Variants in NCALD observed in about 807,000 individuals in gnomAD.
NCALD encodes neurocalcin-delta.
NCALD carries 10 observed loss-of-function variants against 18.6 expected under a neutral mutation model. The ratio of observed to expected loss-of-function variants is 0.54; its 90% CI spans 0.33 to 0.91. The LOEUF (loss-of-function observed/expected upper bound fraction) is 0.91. NCALD is among the 40% of genes least tolerant of loss of function. NCALD has a pLI of 0.03. For synonymous variants in NCALD, 88 were observed against 87.4 expected (o/e 1.01, Z -0.04); for missense variants, 184 against 247.6 (o/e 0.74, Z 1.72).
At chr8:101,993,921 T>G (rs1008557062) in intron 2 of NCALD, among the ~76,000 whole-genome samples, 3 of 152,172 alleles carry the variant, frequency 2.0e-5, no homozygotes, top group Non-Finnish European at 4.4e-5. Flanking sequence ...GATGTGAAGA[T>G]TAAATGCAAG....
chr8:101,939,107 G>A (rs1325380371), intron 2 of NCALD, among the ~76,000 whole-genome samples: 1 of 152,170 alleles, frequency 6.6e-6, no homozygotes, highest in Non-Finnish European at 1.5e-5. Context: ...TTCTACTTTA[G>A]TCAATGAGTA....
chr8:101,864,270 C>A (rs925240986), intron 4 of NCALD, among the ~76,000 whole-genome samples: 1 of 152,088 alleles, frequency 6.6e-6, no homozygotes, highest in African/African-American at 2.4e-5. Context: ...TAACTGTGTG[C>A]AAATGTGTCT....
At chr8:101,887,713 G>C (rs1816725344) in intron 3 of NCALD, among the ~76,000 whole-genome samples, 1 of 151,586 alleles carries the variant, frequency 6.6e-6, no homozygotes, top group Non-Finnish European at 1.5e-5. Flanking sequence ...AATTTTTCCT[G>C]GAATGTATAT....
intron 2 of NCALD, among the ~76,000 whole-genome samples, chr8:101,981,435 T>TTAAAAACA (rs1308335933): frequency 1.3e-5 from 2 of 152,356 alleles, no homozygotes; most frequent in African/African-American, 4.8e-5. Context: ...AAACTTTTAA[T>TTAAAAACA]TAAAAACATT....
chr8:101,772,703 A>G lies in NCALD; in HGVS notation c.-20+18159T>C, dbSNP rs1586463154. ...GGTACCTGTTCTCATTCTTTGGTCCAAGGACATATCATGGGTCCCATGGCT... is the reference window on the plus strand; with the variant it reads ...GGTACCTGTTCTCATTCTTTGGTCCGAGGACATATCATGGGTCCCATGGCT... On this transcript the variant is annotated intron_variant, in intron 1 of 3. Coordinates refer to ENST00000220931, the MANE Select transcript of NCALD (RefSeq NM_032041.3). Among the ~76,000 whole-genome samples, 5 of 152,308 alleles carry G rather than the reference A, an allele frequency of 3.3e-5. No individual in the cohort carries two copies. In the South Asian group the frequency reaches 1.0e-3, roughly 32 times the overall value.
chr8:101,810,790 C>G (rs1223333423), intron 4 of NCALD, among the ~76,000 whole-genome samples: 1 of 151,968 alleles, frequency 6.6e-6, no homozygotes, highest in Non-Finnish European at 1.5e-5. Flanking sequence ...AATGCAAAAG[C>G]TTTTCTATCA....
intron 1 of NCALD, among the ~76,000 whole-genome samples, chr8:101,736,145 C>T (rs773167927): frequency 4.6e-4 from 70 of 152,268 alleles, no homozygotes; most frequent in Non-Finnish European, 7.5e-4. Flanking sequence ...ATAAAAACCC[C>T]GAGCTGTCTC....
chr8:101,863,461 CTT>C (rs374268615), intron 4 of NCALD, among the ~76,000 whole-genome samples: 3 of 146,930 alleles, frequency 2.0e-5, no homozygotes, highest in Admixed American at 6.8e-5. Context: ...ATGTTTCTCA[CTT>C]TTTTTTTTTT....
At chr8:101,739,166 C>T (rs1254633501) in intron 1 of NCALD, among the ~76,000 whole-genome samples, 2 of 151,992 alleles carry the variant, frequency 1.3e-5, no homozygotes, top group African/African-American at 2.4e-5. Context: ...TGCCTCCCCT[C>T]GTGTCCCTGT....
intron 2 of NCALD, among the ~76,000 whole-genome samples, chr8:101,706,776 A>G (rs1815546719): frequency 6.6e-6 from 1 of 152,258 alleles, no homozygotes; most frequent in South Asian, 2.1e-4. Context: ...GGGAATGTCA[A>G]GGATTGCCAA....
At chr8:101,858,017 T>C (rs189709882) in intron 4 of NCALD, among the ~76,000 whole-genome samples, 215 of 152,336 alleles carry the variant, frequency 1.4e-3, no homozygotes, top group Non-Finnish European at 2.7e-3. Flanking sequence ...TGATTCAGTC[T>C]TTTTGGAGAG....
chr8:101,756,849 C>A (rs567400809), intron 1 of NCALD, among the ~76,000 whole-genome samples: 5 of 152,254 alleles, frequency 3.3e-5, no homozygotes, highest in Admixed American at 3.3e-4. Context: ...CTCTACTATG[C>A]AGTACATAAG....
chr8:101,713,530 C>T (rs1000415305), intron 2 of NCALD, among the ~76,000 whole-genome samples: 1 of 151,260 alleles, frequency 6.6e-6, no homozygotes, highest in Non-Finnish European at 1.5e-5. Flanking sequence ...AGATAGACCA[C>T]TAGCCAGATT....
At chr8:101,882,222 G>A (rs556691219) in intron 4 of NCALD, among the ~76,000 whole-genome samples, 7 of 152,198 alleles carry the variant, frequency 4.6e-5, no homozygotes, top group Admixed American at 4.6e-4. Context: ...AAGATTCTTG[G>A]CATATGCTAT....
intron 4 of NCALD, among the ~76,000 whole-genome samples, chr8:101,817,026 A>G (rs1441183061): frequency 6.6e-6 from 1 of 152,040 alleles, no homozygotes; most frequent in African/African-American, 2.4e-5. Context: ...TGCCCTTCAG[A>G]GTGTTTCTAT....
chr8:101,766,541 AG>A (rs1811355266), intron 1 of NCALD, among the ~76,000 whole-genome samples: 1 of 152,130 alleles, frequency 6.6e-6, no homozygotes, highest in Admixed American at 6.6e-5. Context: ...GTGTTTTAAA[AG>A]GGACCATAAC....
chr8:101,874,295 C>G (rs556976553), intron 4 of NCALD, among the ~76,000 whole-genome samples: 1 of 152,268 alleles, frequency 6.6e-6, no homozygotes, highest in Non-Finnish European at 1.5e-5. Flanking sequence ...AGACAACAAA[C>G]TTTTCCATTG....
chr8:101,719,586 T>C lies in NCALD; in HGVS notation c.44A>G (p.Asp15Gly). Reference sequence around the variant, plus strand: ...TGTAAAGTCTGTGCTTTCCAGCAAGTCCTGCATGACCTCCGGGCGCAGCTT... The same window carrying C: ...TGTAAAGTCTGTGCTTTCCAGCAAGCCCTGCATGACCTCCGGGCGCAGCTT... ...NSKLRPEVMQ[D>G]LLESTDFTEH... Residue 15 changes from aspartate (D) to glycine (G), a missense_variant, in exon 2 of 4, where the codon GAC becomes GGC. By Grantham distance (94) the Asp-to-Gly change is moderately conservative (BLOSUM62 -1). Transcript: ENST00000220931. The C allele has an allele frequency of 6.2e-7, 1 of 1,610,108 alleles. No individual in the cohort carries two copies. The highest frequency in any genetic ancestry group is 8.5e-7 in the Non-Finnish European group (1 of 1,178,588).
At chr8:102,094,587 A>G (rs1374440525) in intron 1 of NCALD, among the ~76,000 whole-genome samples, 2 of 152,244 alleles carry the variant, frequency 1.3e-5, no homozygotes, top group African/African-American at 4.8e-5. Flanking sequence ...TTTAATGAGC[A>G]AATGCTCTTC....
Sources: allele counts gnomAD v4.1 joint callset (sites outside exome capture counted in the v4.1 genomes callset), GRCh38; gene constraint gnomAD v4.1.1; transcripts MANE v1.5; gene names NCBI Gene and HGNC (gene_info 2026-07-23, HGNC 2026-07-21).